The following TNNI3K variants were observed in gnomAD, a reference collection of about 807,000 sequenced individuals.
TNNI3K encodes the protein TNNI3 interacting kinase.
Under a neutral mutation model 114.5 loss-of-function variants are expected in TNNI3K, and 140 were observed. The ratio of observed to expected loss-of-function variants is 1.22; its 90% confidence interval spans 1.07 to 1.41. TNNI3K has a LOEUF of 1.41. Among genes scored for constraint, TNNI3K ranks in the 40% most tolerant of loss-of-function variants. The pLI is 0.00. For missense variants in TNNI3K, 1,125 were observed against 1,007.6 expected, an observed-to-expected ratio of 1.12 and a Z score of -1.58; for synonymous variants, 347 against 347.5, an observed-to-expected ratio of 1.00 and a Z score of 0.02.
intron 23 of TNNI3K, among the ~76,000 whole-genome samples, chr1:74,517,409 C>T (rs1207149587): frequency 6.6e-6 from 1 of 152,174 alleles, no homozygotes; most frequent in Non-Finnish European, 1.5e-5. Flanking sequence ...ATTCATATGT[C>T]AAACCTTCAA....
chr1:74,387,640 T>C (rs1406989570), intron 17 of TNNI3K, among the ~76,000 whole-genome samples: 2 of 152,120 alleles, frequency 1.3e-5, no homozygotes, highest in African/African-American at 4.8e-5. Flanking sequence ...GTTTTAACAG[T>C]AGTGGAAAAA....
chr1:74,523,457 T>C (rs1646462355), intron 23 of TNNI3K, among the ~76,000 whole-genome samples: 1 of 152,118 alleles, frequency 6.6e-6, no homozygotes, highest in African/African-American at 2.4e-5. Flanking sequence ...TTTAATTTTC[T>C]TTTGAAATGC....
chr1:74,456,161 T>C (rs1033702910), intron 20 of TNNI3K, among the ~76,000 whole-genome samples: 5 of 152,156 alleles, frequency 3.3e-5, no homozygotes, highest in Admixed American at 2.6e-4. Context: ...AAGCAGTAGC[T>C]TTGAAAGAGA....
At chr1:74,462,359 A>G (rs1667488001) in intron 20 of TNNI3K, among the ~76,000 whole-genome samples, 2 of 152,158 alleles carry the variant, frequency 1.3e-5, no homozygotes, top group Non-Finnish European at 2.9e-5. Context: ...TTACAATACC[A>G]CAATCTAAAA....
chr1:74,253,718 C>T (rs1275727041), intron 4 of TNNI3K, among the ~76,000 whole-genome samples: 1 of 152,114 alleles, frequency 6.6e-6, no homozygotes, highest in Non-Finnish European at 1.5e-5. Context: ...CCAGTTCCTG[C>T]CCGTGCCTCT....
At position 74,492,180 on chromosome 1, in the gene TNNI3K, T is replaced by C; in HGVS notation, c.2265T>C (p.Pro755=). 1 of 1,613,386 alleles carries C rather than the reference T, an allele frequency of 6.2e-7. No individual in the cohort carries two copies. Among genetic ancestry groups the C allele is most frequent in the South Asian group, 1.1e-5 (1 of 90,960 alleles). ...ATTGCCTGGTGAACCGGGGAGGACC[T>C]GGCCGGAGTCATGTGGCAGCATTAA... The part of the protein sequence containing the change: ...SSDCLVNRGG[P]GRSHVAALRS... Residue 755 remains proline, a synonymous_variant, in exon 23 of 25, where the codon CCT becomes CCC. Coordinates refer to ENST00000326637, the MANE Select transcript of TNNI3K (RefSeq NM_015978.3).
intron 23 of TNNI3K, among the ~76,000 whole-genome samples, chr1:74,495,186 T>C (rs1669267079): frequency 6.6e-6 from 1 of 152,216 alleles, no homozygotes; most frequent in Admixed American, 6.5e-5. Context: ...CAAGTTTCTC[T>C]TAACAGCATG....
intron 21 of TNNI3K, among the ~76,000 whole-genome samples, chr1:74,476,072 T>G (rs1668191946): frequency 6.6e-6 from 1 of 152,186 alleles, no homozygotes. Context: ...AAAAAGGCTG[T>G]TTCATGAACT....
At chr1:74,513,567 T>G (rs1192954156) in intron 23 of TNNI3K, among the ~76,000 whole-genome samples, 1 of 152,228 alleles carries the variant, frequency 6.6e-6, no homozygotes, top group Non-Finnish European at 1.5e-5. Flanking sequence ...ATGCCAAACC[T>G]AAGCAAATCT....
chr1:74,305,581 G>C (rs1176240948), intron 5 of TNNI3K, among the ~76,000 whole-genome samples: 1 of 152,148 alleles, frequency 6.6e-6, no homozygotes, highest in Admixed American at 6.5e-5. Context: ...CTTTGAGCAA[G>C]GCAGCCGTCT....
intron 9 of TNNI3K, among the ~76,000 whole-genome samples, chr1:74,349,030 T>G (rs1012688472): frequency 1.3e-5 from 2 of 152,152 alleles, no homozygotes; most frequent in African/African-American, 4.8e-5. Context: ...CTTCCAACGC[T>G]ATGTTGAATA....
intron 11 of TNNI3K, among the ~76,000 whole-genome samples, chr1:74,355,127 G>A (rs886899005): frequency 2.6e-5 from 4 of 152,238 alleles, no homozygotes; most frequent in Non-Finnish European, 5.9e-5. Context: ...AGATTTTAAA[G>A]TCACATTTTA....
At chr1:74,241,872 C>T (rs565609450) in intron 2 of TNNI3K, among the ~76,000 whole-genome samples, 11 of 140,630 alleles carry the variant, frequency 7.8e-5, no homozygotes, top group South Asian at 2.3e-4. Flanking sequence ...TTTTTTCAGA[C>T]GGAGTCTCGC....
At chr1:74,324,599 GA>G (rs1328608601) in intron 5 of TNNI3K, among the ~76,000 whole-genome samples, 1 of 152,166 alleles carries the variant, frequency 6.6e-6, no homozygotes, top group Non-Finnish European at 1.5e-5. Context: ...TAAACTTACA[GA>G]TCTCAGAAAG....
Position 74,467,678 on chromosome 1 carries a change from A to G in TNNI3K, c.2121+4128A>G, listed in dbSNP as rs1355506336. Among the ~76,000 whole-genome samples the G allele has an allele frequency of 3.3e-5, 5 of 152,138 alleles. No individual in the cohort carries two copies. In the East Asian group the frequency reaches 9.6e-4, roughly 29 times the overall value. ...TTTACTTAAAAAAATTGTAGTTCCT[A>G]CAGTAAGGCAAACACTGAATTATCT... is the stretch of plus-strand genomic sequence containing the variant. On this transcript the variant is annotated intron_variant, in intron 21 of 24. Coordinates refer to ENST00000326637, the MANE Select transcript of TNNI3K (RefSeq NM_015978.3).
chr1:74,431,628 A>G (rs1046724209), intron 17 of TNNI3K, among the ~76,000 whole-genome samples: 7 of 152,100 alleles, frequency 4.6e-5, no homozygotes, highest in Non-Finnish European at 1.0e-4. Flanking sequence ...CAAGAGATGA[A>G]AAGAGATACA....
At chr1:74,382,083 G>A (rs142521480) in intron 17 of TNNI3K, among the ~76,000 whole-genome samples, 1 of 152,288 alleles carries the variant, frequency 6.6e-6, no homozygotes, top group African/African-American at 2.4e-5. Context: ...AACCAGGGAG[G>A]ATGTTTTCAA....
chr1:74,442,328 T>C (rs1443416883), intron 20 of TNNI3K, among the ~76,000 whole-genome samples: 1 of 152,092 alleles, frequency 6.6e-6, no homozygotes, highest in African/African-American at 2.4e-5. Context: ...ATCATGTGTC[T>C]ACCCTTAAAT....
At chr1:74,413,499 A>G (rs959657341) in intron 17 of TNNI3K, among the ~76,000 whole-genome samples, 56 of 152,288 alleles carry the variant, frequency 3.7e-4, no homozygotes, top group Middle Eastern at 6.8e-3. Flanking sequence ...AATTTTAAGA[A>G]TATTGTACAG....
Sources: gnomAD v4.1 joint callset for allele counts (sites outside exome capture counted in the v4.1 genomes callset) on GRCh38, gnomAD v4.1.1 for gene constraint, MANE v1.5 for transcripts, NCBI Gene and HGNC (gene_info 2026-07-23, HGNC 2026-07-21) for gene names.